The following CDH12 variants were observed in gnomAD, a reference collection of about 807,000 sequenced individuals.
CDH12 encodes the protein cadherin-12.
In CDH12, 41 loss-of-function variants were observed where a neutral mutation model predicts 74.1. That is an observed-to-expected ratio of 0.55 (90% confidence interval 0.43 to 0.72). CDH12 has a LOEUF of 0.72. CDH12 is among the 30% of genes least tolerant of loss of function. The pLI, the probability that CDH12 is intolerant of heterozygous loss-of-function variation, is 0.00. For synonymous variants in CDH12, 399 were observed against 355.0 expected (o/e 1.12, Z -1.39); for missense variants, 945 against 977.2 (o/e 0.97, Z 0.44).
chr5:22,791,226 A>G (rs16899478), intron 1 of CDH12, among the ~76,000 whole-genome samples: 8,500 of 152,230 alleles, frequency 0.056, 346 homozygotes, highest in East Asian at 0.17. Flanking sequence ...CTTCTTGCCC[A>G]CTAGTCTTCA....
chr5:21,826,551 T>C lies in CDH12; in HGVS notation c.815-9419A>G, dbSNP rs2149959823. Among the ~76,000 whole-genome samples the C allele has an allele frequency of 1.3e-5, 2 of 152,300 alleles. 1 individual carries two copies. Among genetic ancestry groups the C allele is most frequent in the East Asian group, 3.9e-4 (2 of 5,182 alleles). On this transcript the variant is annotated intron_variant, in intron 8 of 14. Coordinates refer to ENST00000382254, the MANE Select transcript of CDH12 (RefSeq NM_004061.5). ...TAACTGGTCTTCTGACATTATTCTC[T>C]ACCCCTGGCCTGAGGTGTCTTTCCA... is the stretch of plus-strand genomic sequence containing the variant.
intron 4 of CDH12, among the ~76,000 whole-genome samples, chr5:22,117,156 T>C (rs943856660): frequency 4.0e-5 from 6 of 151,226 alleles, no homozygotes; most frequent in Non-Finnish European, 7.4e-5. Context: ...CAATGAAAGG[T>C]AACTCTAATT....
chr5:22,425,153 G>GTATATA (rs1331299083), intron 2 of CDH12, among the ~76,000 whole-genome samples: 272 of 88,012 alleles, frequency 3.1e-3, no homozygotes, highest in African/African-American at 6.9e-3. Flanking sequence ...ATGTGTGTGT[G>GTATATA]TATATATATA....
intron 4 of CDH12, among the ~76,000 whole-genome samples, chr5:22,211,635 G>T (rs1009554874): frequency 2.0e-5 from 3 of 151,656 alleles, no homozygotes; most frequent in African/African-American, 7.3e-5. Context: ...AAGCTTACAA[G>T]AAAATGGGTA....
At chr5:22,286,462 G>C (rs1040106256) in intron 3 of CDH12, among the ~76,000 whole-genome samples, 2 of 152,108 alleles carry the variant, frequency 1.3e-5, no homozygotes, top group Non-Finnish European at 2.9e-5. Flanking sequence ...GACACACAAG[G>C]TTAAAGGACA....
Position 22,436,389 on chromosome 5 carries a change from T to C in CDH12, c.-427-31038A>G, listed in dbSNP as rs1486798342. 2.7e-5 allele frequency among the ~76,000 whole-genome samples: 4 copies of C among 147,762 alleles called. No individual in the cohort carries two copies. In the East Asian group the frequency reaches 6.2e-4, roughly 23 times the overall value. ...CACCAACATGGCAGATGTATACATA[T>C]GTAACAAACCTGCACGTTGTGCACA... is the stretch of plus-strand genomic sequence containing the variant. On this transcript the variant is annotated intron_variant, in intron 2 of 14. Coordinates refer to ENST00000382254, the MANE Select transcript of CDH12 (RefSeq NM_004061.5).
intron 1 of CDH12, among the ~76,000 whole-genome samples, chr5:22,599,986 T>C (rs269881): frequency 0.56 from 84,438 of 151,870 alleles, 23,818 homozygotes; most frequent in East Asian, 0.68. Flanking sequence ...TTTTTTCTAA[T>C]GAGCACACTA....
At chr5:22,378,727 A>C (rs1741640403) in intron 3 of CDH12, among the ~76,000 whole-genome samples, 1 of 152,148 alleles carries the variant, frequency 6.6e-6, no homozygotes, top group African/African-American at 2.4e-5. Context: ...ATCAATAGAA[A>C]CATAATTTTG....
chr5:22,326,245 C>CT (rs1383932543), intron 3 of CDH12, among the ~76,000 whole-genome samples: 1,497 of 146,660 alleles, frequency 0.01, 27 homozygotes, highest in African/African-American at 0.035. Flanking sequence ...TTTTTTCTTT[C>CT]TTTTTTTGAG....
intron 1 of CDH12, among the ~76,000 whole-genome samples, chr5:22,587,385 C>A (rs533189319): frequency 6.6e-6 from 1 of 152,224 alleles, no homozygotes; most frequent in Non-Finnish European, 1.5e-5. Flanking sequence ...CTCTGGAGTT[C>A]TTTTATAGCA....
chr5:21,933,327 T>C (rs1340688372), intron 6 of CDH12, among the ~76,000 whole-genome samples: 1 of 152,168 alleles, frequency 6.6e-6, no homozygotes, highest in Non-Finnish European at 1.5e-5. Flanking sequence ...TAATGAGACT[T>C]GGGTATAACT....
At chr5:22,466,427 G>C (rs980487724) in intron 2 of CDH12, among the ~76,000 whole-genome samples, 3 of 152,156 alleles carry the variant, frequency 2.0e-5, no homozygotes, top group Admixed American at 2.0e-4. Context: ...GAGCAAAAAA[G>C]GTGAGTATGT....
chr5:22,208,964 G>A (rs1365433909), intron 4 of CDH12, among the ~76,000 whole-genome samples: 2 of 152,254 alleles, frequency 1.3e-5, no homozygotes, highest in Non-Finnish European at 2.9e-5. Context: ...TTGAAAGTAC[G>A]CTGGTTGGTT....
At chr5:22,220,650 T>G (rs1219585491) in intron 3 of CDH12, among the ~76,000 whole-genome samples, 2 of 151,740 alleles carry the variant, frequency 1.3e-5, no homozygotes, top group African/African-American at 4.8e-5. Context: ...CTTTTCTGCT[T>G]TGTATATATG....
At chr5:21,959,928 A>AT (rs1756278853) in intron 6 of CDH12, among the ~76,000 whole-genome samples, 1 of 142,226 alleles carries the variant, frequency 7.0e-6, no homozygotes, top group Admixed American at 7.1e-5. Flanking sequence ...CCATCTCAAA[A>AT]AAAAAAAAAA....
intron 3 of CDH12, among the ~76,000 whole-genome samples, chr5:22,275,245 T>C (rs1736581117): frequency 1.3e-5 from 2 of 152,142 alleles, no homozygotes; most frequent in African/African-American, 4.8e-5. Flanking sequence ...TATACCTATG[T>C]ACCAAACCTG....
chr5:21,949,412 T>G (rs1444137430), intron 6 of CDH12, among the ~76,000 whole-genome samples: 3 of 146,786 alleles, frequency 2.0e-5, no homozygotes, highest in Non-Finnish European at 4.4e-5. Context: ...ATCACGCCAC[T>G]GCACTCCAGC....
intron 1 of CDH12, among the ~76,000 whole-genome samples, chr5:22,736,603 C>CA (rs964950525): frequency 8.7e-5 from 13 of 150,180 alleles, no homozygotes; most frequent in Admixed American, 4.0e-4. Context: ...GATACGTTTT[C>CA]AAAAAAAATG....
intron 5 of CDH12, among the ~76,000 whole-genome samples, chr5:21,988,596 T>C (rs1459647473): frequency 9.5e-5 from 14 of 147,016 alleles, no homozygotes; most frequent in Non-Finnish European, 1.9e-4. Context: ...AAATCTAGGA[T>C]ATCCATGGAC....
Sources: gnomAD v4.1 joint callset for allele counts (sites outside exome capture counted in the v4.1 genomes callset) on GRCh38, gnomAD v4.1.1 for gene constraint, MANE v1.5 for transcripts, NCBI Gene and HGNC (gene_info 2026-07-23, HGNC 2026-07-21) for gene names.